ANAPC4: variants seen among roughly 807,000 people sequenced by gnomAD.
ANAPC4 encodes anaphase promoting complex subunit 4, also known as anaphase-promoting complex subunit 4.
ANAPC4 carries 63 observed loss-of-function variants against 119.8 expected under a neutral mutation model. The observed-to-expected ratio is 0.53, with a 90% confidence interval of 0.43 to 0.65. The LOEUF (loss-of-function observed/expected upper bound fraction) is 0.65. Ranked by LOEUF, ANAPC4 falls within the 30% of genes least tolerant of loss-of-function variation. ANAPC4 has a pLI of 0.00. For synonymous variants in ANAPC4, 283 were observed against 318.6 expected (o/e 0.89, Z 1.19); for missense variants, 716 against 945.1 (o/e 0.76, Z 3.18).
At chr4:25,380,050 T>C (rs566715667) in intron 2 of ANAPC4, among the ~76,000 whole-genome samples, 6 of 152,354 alleles carry the variant, frequency 3.9e-5, no homozygotes, top group African/African-American at 1.4e-4. Context: ...AATTTGACTG[T>C]ATTACAGCTA....
Position 25,380,262 on chromosome 4 carries a change from T to C in ANAPC4, c.130-112T>C, listed in dbSNP as rs1445291487. ...TGTCTTTTTCTATTCTTCTGATAGC[T>C]AAGTATATATGAGAGATGGTCATTT... On this transcript the variant is annotated intron_variant, in intron 2 of 28. Coordinates refer to ENST00000315368, the MANE Select transcript of ANAPC4 (RefSeq NM_013367.3). 5.0e-6 allele frequency: 3 copies of C among 600,852 alleles called. No individual in the cohort carries two copies. In the African/African-American group the frequency reaches 5.6e-5, roughly 11 times the overall value. 37.2% of individuals were successfully genotyped at this position (600,852 alleles called of 1,614,324 possible). A position where few individuals can be genotyped will look rare whatever the true frequency, so the allele number is the denominator to read the frequency against.
chr4:25,392,433 G>C lies in ANAPC4; in HGVS notation c.789+12G>C. On this transcript the variant is annotated intron_variant, in intron 10 of 28. Transcript: ENST00000315368. Reference sequence around the variant, plus strand: ...CAGCTCTGTTACAGGTATTTATTTAGAGCTTGTTTTATGTGAATATTTATT... The same window carrying C: ...CAGCTCTGTTACAGGTATTTATTTACAGCTTGTTTTATGTGAATATTTATT... 6.3e-7 allele frequency: 1 copy of C among 1,585,792 alleles called. No individual in the cohort carries two copies. Among genetic ancestry groups the C allele is most frequent in the Non-Finnish European group, 8.7e-7 (1 of 1,155,762 alleles).
intron 21 of ANAPC4, among the ~76,000 whole-genome samples, chr4:25,411,622 C>T (rs146502385): frequency 2.8e-4 from 42 of 152,308 alleles, no homozygotes; most frequent in African/African-American, 7.7e-4. Flanking sequence ...CGTAGTAACA[C>T]GGCTGAGAGC....
intron 20 of ANAPC4, among the ~76,000 whole-genome samples, chr4:25,408,093 C>T (rs963069696): frequency 1.3e-5 from 2 of 151,990 alleles, no homozygotes; most frequent in African/African-American, 4.8e-5. Context: ...CAGTCTGTTT[C>T]GATATGTTGT....
At chr4:25,386,692 AG>A (rs1435089211) in intron 4 of ANAPC4, among the ~76,000 whole-genome samples, 1 of 152,236 alleles carries the variant, frequency 6.6e-6, no homozygotes, top group Non-Finnish European at 1.5e-5. Flanking sequence ...TGCTGGAAAA[AG>A]GACTCCAATA....
Position 25,384,125 on chromosome 4 carries a change from T to G in ANAPC4, c.368+732T>G, listed in dbSNP as rs554913042. 3.3e-5 allele frequency among the ~76,000 whole-genome samples: 5 copies of G among 152,380 alleles called. No homozygotes were observed. The East Asian group carries it at 9.6e-4, about 29-fold the overall frequency. On this transcript the variant is annotated intron_variant, in intron 4 of 28. Transcript: ENST00000315368. ...TCCTTTGTCATGTCAACATTGCTCA[T>G]AGCATGTTTACCAGGACTAAATTCC...
chr4:25,394,226 G>C, intron 11 of ANAPC4, 84 bp from the exon 12 acceptor site: 1 of 1,092,758 alleles, frequency 9.2e-7, no homozygotes, highest in Non-Finnish European at 1.3e-6. Flanking sequence ...CAAGGAAAGG[G>C]AGTCATGCTC....
At chr4:25,403,495 T>A (rs1017374785) in intron 17 of ANAPC4, among the ~76,000 whole-genome samples, 3 of 152,258 alleles carry the variant, frequency 2.0e-5, no homozygotes, top group African/African-American at 7.2e-5. Context: ...TTTTAAAAAA[T>A]TTTTGTAAGT....
intron 20 of ANAPC4, among the ~76,000 whole-genome samples, chr4:25,409,018 G>A (rs1047161255): frequency 6.6e-6 from 1 of 152,158 alleles, no homozygotes; most frequent in African/African-American, 2.4e-5. Context: ...TATGATTTGG[G>A]ACTACTACCT....
Position 25,394,364 on chromosome 4 carries a change from G to A in ANAPC4, c.931G>A (p.Gly311Arg). The change falls in exon 12 of 29, where the codon GGG becomes AGG. Residue 311 changes from glycine to arginine, a missense_variant. Coordinates refer to ENST00000315368, the MANE Select transcript of ANAPC4 (RefSeq NM_013367.3). ...TGAGTTCATGCACTTGCTATTATGG[G>A]GGAAAGCAAGGTAATAAACTCAGAT... is the stretch of plus-strand genomic sequence containing the variant. ...QDEFMHLLLW[G>R]KASAELQTLL... 3 of 1,576,214 alleles carry A rather than the reference G, an allele frequency of 1.9e-6. No individual in the cohort carries two copies. Among genetic ancestry groups the A allele is most frequent in the Non-Finnish European group, 2.6e-6 (3 of 1,170,074 alleles).
chr4:25,395,102 T>A, intron 14 of ANAPC4, 197 bp downstream of exon 14: 1 of 513,964 alleles, frequency 1.9e-6, no homozygotes, highest in Non-Finnish European at 3.4e-6. Context: ...TGAAGTAATT[T>A]TCCAACATCT....
intron 2 of ANAPC4, among the ~76,000 whole-genome samples, chr4:25,379,728 C>T (rs1292033839): frequency 1.3e-5 from 2 of 152,054 alleles, no homozygotes; most frequent in Non-Finnish European, 2.9e-5. Flanking sequence ...ATGTTGTAAC[C>T]AGGAGTGAAG....
intron 17 of ANAPC4, among the ~76,000 whole-genome samples, chr4:25,403,709 A>G (rs1407419644): frequency 6.6e-6 from 1 of 152,152 alleles, no homozygotes; most frequent in African/African-American, 2.4e-5. Context: ...CCTTAGCCAT[A>G]CTGTCCACAT....
In ANAPC4 at chr4:25,414,320, A is replaced by T; in HGVS notation, c.1624-4A>T. On this transcript the variant is annotated splice_polypyrimidine_tract_variant and splice_region_variant and intron_variant, in intron 22 of 28. Transcript: ENST00000315368. ...ATTATATTTTAAAATCTTATTTTATATAGGATGTAATTGGAAAATCGATGA... is the reference window on the plus strand; with the variant it reads ...ATTATATTTTAAAATCTTATTTTATTTAGGATGTAATTGGAAAATCGATGA... 2 of 1,535,930 alleles carry T rather than the reference A, an allele frequency of 1.3e-6. No individual in the cohort carries two copies. Among genetic ancestry groups the T allele is most frequent in the South Asian group, 1.2e-5 (1 of 85,868 alleles).
intron 16 of ANAPC4, among the ~76,000 whole-genome samples, chr4:25,400,730 G>A (rs1416023654): frequency 6.6e-6 from 1 of 152,192 alleles, no homozygotes; most frequent in Non-Finnish European, 1.5e-5. Context: ...TTAAAATGAT[G>A]GCCGTTGAAT....
At chr4:25,413,374 T>C in intron 21 of ANAPC4, 1 of 312,944 alleles carries the variant, frequency 3.2e-6, no homozygotes, top group South Asian at 7.6e-5. Flanking sequence ...CCTTGCTTCT[T>C]ATAGCCAGCA....
intron 16 of ANAPC4, among the ~76,000 whole-genome samples, chr4:25,397,166 A>G (rs73098471): frequency 0.042 from 6,466 of 152,278 alleles, 380 homozygotes; most frequent in African/African-American, 0.13. Context: ...TAGTTCTTCT[A>G]TGGGTTACCT....
intron 16 of ANAPC4, among the ~76,000 whole-genome samples, chr4:25,402,555 G>A (rs1015847185): frequency 4.6e-5 from 7 of 152,104 alleles, no homozygotes; most frequent in African/African-American, 1.7e-4. Context: ...TTGTAATAAT[G>A]GTTTTCTGTT....
At position 25,405,706 on chromosome 4, in the gene ANAPC4, T is replaced by G. The variant is rs1172765388; in HGVS notation, c.1317+87T>G. ...GGTCATTTTGGTACTCTTATTCAGTTATTAGTTAACAGGATGTCAGGATGT... is the reference window on the plus strand; with the variant it reads ...GGTCATTTTGGTACTCTTATTCAGTGATTAGTTAACAGGATGTCAGGATGT... On this transcript the variant is annotated intron_variant, in intron 18 of 28. Transcript: ENST00000315368. This position sits in a 1 kb window ranked among gnomAD's most constrained non-coding sequence, Gnocchi z 4.6. 7.7e-7 allele frequency: 1 copy of G among 1,304,586 alleles called. No individual in the cohort carries two copies. The highest frequency in any genetic ancestry group is 1.1e-6 in the Non-Finnish European group (1 of 913,908). 80.8% of individuals were successfully genotyped at this position (1,304,586 alleles called of 1,614,324 possible).
Sources: gnomAD v4.1 joint callset for allele counts (sites outside exome capture counted in the v4.1 genomes callset) on GRCh38, gnomAD v4.1.1 for gene constraint, Gnocchi (gnomAD v3.1) non-coding constraint, MANE v1.5 for transcripts, NCBI Gene and HGNC (gene_info 2026-07-23, HGNC 2026-07-21) for gene names.